Variants in IL32 observed in about 807,000 individuals in gnomAD.
The protein encoded by IL32 is interleukin-32.
A neutral mutation model predicts 16.6 loss-of-function variants in IL32; 30 were observed. That is an observed-to-expected ratio of 1.81 (90% CI 1.35 to 2.45). The LOEUF is 2.45. Ranked by LOEUF, IL32 falls within the 30% of genes most tolerant of loss-of-function variation. The probability of loss-of-function intolerance (pLI) is 0.00; values close to 1 mark genes in which losing one functional copy is unlikely to be tolerated. For synonymous variants in IL32, 70 were observed against 86.1 expected (o/e 0.81, Z 1.03); for missense variants, 234 against 229.8 (o/e 1.02, Z -0.12).
intron 6 of IL32, 131 bp downstream of exon 6, chr16:3,068,370 A>G (rs1035966768): frequency 1.2e-6 from 1 of 822,582 alleles, no homozygotes; most frequent in African/African-American, 1.7e-5. Context: ...CAGTGGCATG[A>G]TCTTGGCTCA....
At chr16:3,067,269 C>CTCTGTGTGTGTG (rs933185044) in intron 2 of IL32, 108 bp from the exon 3 acceptor site, 1 of 391,516 alleles carries the variant, frequency 2.6e-6, no homozygotes, top group Non-Finnish European at 4.2e-6. Flanking sequence ...TGCCATGTGT[C>CTCTGTGTGTGTG]TCTGTGTGTG....
chr16:3,067,609 G>A lies in IL32; in HGVS notation c.110G>A (p.Gly37Glu), dbSNP rs748418655. 17 of 1,610,032 alleles carry A rather than the reference G, an allele frequency of 1.1e-5. No individual in the cohort carries two copies. Among genetic ancestry groups the A allele is most frequent in the Non-Finnish European group, 1.4e-5 (17 of 1,177,476 alleles). Residue 37 changes from glycine (G) to glutamate (E), a missense_variant, in exon 4 of 7, where the codon GGA (glycine) becomes GAA (glutamate). Coordinates refer to ENST00000525643, the MANE Select transcript of IL32 (RefSeq NM_001376923.1). ...ATGCAAAATGCAGAATCAGGACGTG[G>A]ACAGGTGGGTGGATTTCCCCTCAGG... ...DKMQNAESGR[G>E]QVMSSLAELE...
intron 2 of IL32, among the ~76,000 whole-genome samples, chr16:3,066,313 T>C (rs1305178706): frequency 6.6e-6 from 1 of 152,200 alleles, no homozygotes; most frequent in East Asian, 1.9e-4. Context: ...GTTTCCATGA[T>C]GTGGCCTGGC....
chr16:3,069,130 C>T lies in IL32; in HGVS notation c.342C>T (p.Ala114=), dbSNP rs374680477. 3.8e-5 allele frequency: 61 copies of T among 1,611,926 alleles called. No individual in the cohort carries two copies. Among genetic ancestry groups the T allele is most frequent in the African/African-American group, 3.2e-4 (24 of 74,806 alleles). The part of the protein sequence containing the change: ...FCDKVMRWFQ[A]MLQRLQTWWH... ...ACAAGGTCATGAGATGGTTCCAGGC[C>T]ATGCTGCAGCGGCTGCAGACCTGGT... is the stretch of plus-strand genomic sequence containing the variant. Residue 114 remains alanine (A), a synonymous_variant, in exon 7 of 7, where the codon GCC becomes GCT. Transcript: ENST00000525643.
At chr16:3,066,650 G>A (rs922731241) in intron 2 of IL32, among the ~76,000 whole-genome samples, 1 of 152,200 alleles carries the variant, frequency 6.6e-6, no homozygotes, top group Non-Finnish European at 1.5e-5. Context: ...GGACCTGTGG[G>A]TCTGCATGTT....
Position 3,065,833 on chromosome 16 carries a change from G to T in IL32, c.15+7G>T, listed in dbSNP as rs199922289. On this transcript the variant is annotated splice_region_variant and intron_variant, in intron 2 of 6. Coordinates refer to ENST00000525643, the MANE Select transcript of IL32 (RefSeq NM_001376923.1). Reference sequence around the variant, plus strand: ...CGCCATGTGCTTCCCGAAGGTGAGTGAGAGGCTGCGTGTGCTTTTGTGGGC... The same window carrying T: ...CGCCATGTGCTTCCCGAAGGTGAGTTAGAGGCTGCGTGTGCTTTTGTGGGC... 1.9e-6 allele frequency: 3 copies of T among 1,614,092 alleles called. No homozygotes were observed. The highest frequency in any genetic ancestry group is 1.7e-5 in the Admixed American group (1 of 60,026).
Position 3,067,918 on chromosome 16 carries a change from G to A in IL32, c.115-66G>A. On this transcript the variant is annotated intron_variant, in intron 4 of 6. Coordinates refer to ENST00000525643, the MANE Select transcript of IL32 (RefSeq NM_001376923.1). ...TGGGAGCTGAGGACTCACTGGGCTT[G>A]AGGACTGACTGATGTGGGGTGCAGA... is the stretch of plus-strand genomic sequence containing the variant. 1.1e-5 allele frequency: 17 copies of A among 1,581,278 alleles called. No homozygotes were observed. The South Asian group carries it at 1.9e-4, about 18-fold the overall frequency.
In IL32 at chr16:3,067,979, A is replaced by G. The variant is rs968099765; in HGVS notation, c.115-5A>G. ...GCCTGGAACCGAGTGCTTTGTTCCT[A>G]ACAGGTGATGTCGAGCCTGGCAGAG... On this transcript the variant is annotated splice_polypyrimidine_tract_variant and splice_region_variant and intron_variant, in intron 4 of 6. Transcript: ENST00000525643. 5.6e-6 allele frequency: 9 copies of G among 1,613,972 alleles called. No homozygotes were observed. The highest frequency in any genetic ancestry group is 7.6e-6 in the Non-Finnish European group (9 of 1,179,986).
chr16:3,067,947 G>T (rs1269981128), intron 4 of IL32, 37 bp from the exon 5 acceptor site: 6 of 1,613,396 alleles, frequency 3.7e-6, no homozygotes, highest in Non-Finnish European at 5.1e-6. Context: ...GTGCAGAGGA[G>T]GCTTGGGCCT....
In IL32 at chr16:3,068,628, G is replaced by A. The variant is rs1404639949; in HGVS notation, c.202-362G>A. On this transcript the variant is annotated intron_variant, in intron 6 of 6. Transcript: ENST00000525643. Reference sequence around the variant, plus strand: ...GCCCAGCCAACCCCTGCCCTGTCTTGATGTGGTGTGGGCAGGGTGTGCCCA... The same window carrying A: ...GCCCAGCCAACCCCTGCCCTGTCTTAATGTGGTGTGGGCAGGGTGTGCCCA... The A allele has an allele frequency of 7.2e-6, 3 of 418,202 alleles. No homozygotes were observed. The East Asian group carries it at 1.6e-4, about 22-fold the overall frequency. The allele number at this position is 418,202 out of a possible 1,614,324, so 25.9% of individuals were successfully genotyped here. A position where few individuals can be genotyped will look rare whatever the true frequency, so the allele number is the denominator to read the frequency against.
At chr16:3,066,279 G>A (rs576766007) in intron 2 of IL32, among the ~76,000 whole-genome samples, 93 of 152,224 alleles carry the variant, frequency 6.1e-4, no homozygotes, top group African/African-American at 2.2e-3. Context: ...CCTCCAGGGA[G>A]CTCTTCGGCC....
At chr16:3,067,271 C>CTCTGTGTGTG (rs1317427759) in intron 2 of IL32, 106 bp from the exon 3 acceptor site, 136 of 603,650 alleles carry the variant, frequency 2.3e-4, no homozygotes, top group African/African-American at 1.6e-3. Flanking sequence ...CCATGTGTCT[C>CTCTGTGTGTG]TGTGTGTGTG....
At chr16:3,068,136 G>A (rs563098871) in intron 5 of IL32, 44 bp from the exon 6 acceptor site, 98 of 1,600,876 alleles carry the variant, frequency 6.1e-5, no homozygotes, top group Middle Eastern at 5.0e-4. Context: ...TGGGAAGGGG[G>A]CAGGCAGGAG....
At chr16:3,067,177 G>A (rs1036139747) in intron 2 of IL32, among the ~76,000 whole-genome samples, 200 bp from the exon 3 acceptor site, 1 of 152,138 alleles carries the variant, frequency 6.6e-6, no homozygotes, top group Non-Finnish European at 1.5e-5. Context: ...CGCTTTCTGA[G>A]TCGTTTCGAG....
At chr16:3,066,885 GT>G (rs201070590) in intron 2 of IL32, among the ~76,000 whole-genome samples, 3,055 of 150,622 alleles carry the variant, frequency 0.02, 78 homozygotes, top group Middle Eastern at 0.13. Context: ...ACATGGGGGG[GT>G]GTGTGTGTGC....
At chr16:3,068,684 T>C (rs1378882267) in intron 6 of IL32, 2 of 451,488 alleles carry the variant, frequency 4.4e-6, no homozygotes, top group Non-Finnish European at 8.2e-6. Flanking sequence ...GGGCTGGGAG[T>C]GACAGCCTAG....
In IL32 at chr16:3,067,609, G is replaced by C. The variant is rs748418655; in HGVS notation, c.110G>C (p.Gly37Ala). Residue 37 changes from glycine (G) to alanine (A), a missense_variant, in exon 4 of 7, where the codon GGA becomes GCA. By Grantham distance (60) the Gly-to-Ala change is moderately conservative. Coordinates refer to ENST00000525643, the MANE Select transcript of IL32 (RefSeq NM_001376923.1). ...DKMQNAESGR[G>A]QVMSSLAELE... ...ATGCAAAATGCAGAATCAGGACGTG[G>C]ACAGGTGGGTGGATTTCCCCTCAGG... The C allele has an allele frequency of 4.8e-5, 77 of 1,610,032 alleles. No individual in the cohort carries two copies. Among genetic ancestry groups the C allele is most frequent in the Non-Finnish European group, 6.5e-5 (77 of 1,177,476 alleles).
chr16:3,066,017 G>A (rs1274592825), intron 2 of IL32, among the ~76,000 whole-genome samples, 191 bp downstream of exon 2: 1 of 152,148 alleles, frequency 6.6e-6, no homozygotes, highest in African/African-American at 2.4e-5. Flanking sequence ...GGGCGCTGGA[G>A]AACGGCAGGG....
chr16:3,067,340 G>A, intron 2 of IL32, 37 bp from the exon 3 acceptor site: 2 of 1,239,244 alleles, frequency 1.6e-6, no homozygotes, highest in South Asian at 1.4e-5. Context: ...AGGTTAAGGT[G>A]ACACATGGAG....
Sources: gnomAD v4.1 joint callset for allele counts (sites outside exome capture counted in the v4.1 genomes callset) on GRCh38, gnomAD v4.1.1 for gene constraint, MANE v1.5 for transcripts, NCBI Gene and HGNC (gene_info 2026-07-23, HGNC 2026-07-21) for gene names.